Variants in ANKHD1 observed in about 807,000 individuals in gnomAD.
ANKHD1 encodes the protein ankyrin repeat and KH domain-containing protein 1.
ANKHD1 carries 31 observed loss-of-function variants against 230.5 expected under a neutral mutation model. The observed-to-expected ratio is 0.13, with a 90% CI of 0.10 to 0.18. ANKHD1 has a LOEUF of 0.18. Ranked by LOEUF, ANKHD1 falls within the 10% of genes least tolerant of loss-of-function variation. The pLI, the probability that ANKHD1 is intolerant of heterozygous loss-of-function variation, is 1.00. For synonymous variants in ANKHD1, 1,074 were observed against 1,117.6 expected (o/e 0.96, Z 0.78); for missense variants, 2,256 against 3,071.3 (o/e 0.73, Z 6.27).
chr5:140,516,938 A>C (rs1581363860), intron 24 of ANKHD1, among the ~76,000 whole-genome samples: 1 of 152,160 alleles, frequency 6.6e-6, no homozygotes, highest in Non-Finnish European at 1.5e-5. Flanking sequence ...CACACATAAC[A>C]ATATTAACTT....
At chr5:140,496,175 T>G (rs925145915) in intron 14 of ANKHD1, among the ~76,000 whole-genome samples, 1 of 152,174 alleles carries the variant, frequency 6.6e-6, no homozygotes, top group East Asian at 1.9e-4. Flanking sequence ...AAAAGTCCAA[T>G]CTAATCAGCA....
intron 29 of ANKHD1, among the ~76,000 whole-genome samples, chr5:140,533,097 C>CAAAAAAAAAAAA (rs113564152): frequency 6.3e-4 from 79 of 125,378 alleles, no homozygotes; most frequent in African/African-American, 2.3e-3. Context: ...ACTCTGTCTC[C>CAAAAAAAAAAAA]AAAAAAAAAA....
chr5:140,516,871 A>C (rs1415644626), intron 24 of ANKHD1, among the ~76,000 whole-genome samples: 2 of 152,078 alleles, frequency 1.3e-5, no homozygotes, highest in Non-Finnish European at 2.9e-5. Flanking sequence ...CTAGGAAGAA[A>C]CTGCATCAAC....
chr5:140,441,895 G>A (rs1345626143), intron 5 of ANKHD1, among the ~76,000 whole-genome samples: 1 of 151,822 alleles, frequency 6.6e-6, no homozygotes, highest in African/African-American at 2.4e-5. Context: ...AATATATATG[G>A]AGGCAAAATT....
In ANKHD1 at chr5:140,538,970, C is replaced by G. The variant is rs746682182; in HGVS notation, c.7456C>G (p.Leu2486Val). 172 of 1,610,592 alleles carry G rather than the reference C, an allele frequency of 1.1e-4. No individual in the cohort carries two copies. The highest frequency in any genetic ancestry group is 1.4e-4 in the Non-Finnish European group (170 of 1,178,408). Reference protein sequence around the residue: ...GGTIIPSHPQLADVPGGPLFN... With the variant: ...GGTIIPSHPQVADVPGGPLFN... ...CACCATAATACCCTCTCATCCTCAG[C>G]TTGCTGATGTTCCAGGAGGCCCTCT... The change falls in exon 33 of 34, where the codon CTT (leucine) becomes GTT (valine). Residue 2486 changes from leucine (L) to valine (V), a missense_variant. Transcript: ENST00000360839.
At chr5:140,500,764 T>A (rs140482069) in intron 15 of ANKHD1, among the ~76,000 whole-genome samples, 2 of 152,082 alleles carry the variant, frequency 1.3e-5, no homozygotes, top group East Asian at 3.9e-4. Context: ...AGATGTAATA[T>A]GCATGCATAT....
chr5:140,526,521 T>A, intron 26 of ANKHD1, 78 bp downstream of exon 26: 1 of 1,495,420 alleles, frequency 6.7e-7, no homozygotes, highest in Non-Finnish European at 8.9e-7. Flanking sequence ...AGTATATTAA[T>A]CCAAGTACAA....
chr5:140,440,357 A>G (rs900179172), intron 4 of ANKHD1, 91 bp downstream of exon 4: 18 of 1,443,924 alleles, frequency 1.2e-5, no homozygotes, highest in Non-Finnish European at 1.5e-5. Flanking sequence ...TTATAATTAG[A>G]GGCCAGAGTC....
At chr5:140,440,305 G>A in intron 4 of ANKHD1, 39 bp downstream of exon 4, 1 of 1,572,892 alleles carries the variant, frequency 6.4e-7, no homozygotes, top group Non-Finnish European at 8.6e-7. Flanking sequence ...AATTGTGGAA[G>A]GGTTTTGATG....
intron 9 of ANKHD1, among the ~76,000 whole-genome samples, chr5:140,460,878 T>C (rs1338671084): frequency 6.6e-6 from 1 of 152,176 alleles, no homozygotes. Context: ...CAACCATAAA[T>C]GCTGACTTTT....
intron 10 of ANKHD1, among the ~76,000 whole-genome samples, chr5:140,469,715 C>T (rs1776357437): frequency 6.6e-6 from 1 of 151,990 alleles, no homozygotes; most frequent in African/African-American, 2.4e-5. Context: ...AGTAATATAT[C>T]TTTCACCATA....
intron 7 of ANKHD1, among the ~76,000 whole-genome samples, chr5:140,456,441 C>T (rs1271449207): frequency 5.3e-5 from 8 of 152,144 alleles, no homozygotes; most frequent in South Asian, 2.1e-4. Flanking sequence ...GGAGACATCA[C>T]GCTACCTGAC....
At chr5:140,480,109 G>A (rs1196458144) in intron 10 of ANKHD1, among the ~76,000 whole-genome samples, 1 of 151,392 alleles carries the variant, frequency 6.6e-6, no homozygotes, top group East Asian at 1.9e-4. Context: ...TGTGTGTTGT[G>A]GGATATACAT....
intron 5 of ANKHD1, among the ~76,000 whole-genome samples, chr5:140,442,369 C>T (rs1773925364): frequency 6.6e-6 from 1 of 151,852 alleles, no homozygotes; most frequent in Non-Finnish European, 1.5e-5. Context: ...AGCAACAGTC[C>T]CCAACCTTTT....
intron 29 of ANKHD1, among the ~76,000 whole-genome samples, chr5:140,530,663 C>G (rs944498263): frequency 2.0e-5 from 3 of 152,230 alleles, no homozygotes; most frequent in Non-Finnish European, 4.4e-5. Flanking sequence ...TCAGTTTTGG[C>G]TTGGAGATAT....
At chr5:140,523,108 C>CTTTTTT (rs374008554) in intron 24 of ANKHD1, among the ~76,000 whole-genome samples, 2 of 93,494 alleles carry the variant, frequency 2.1e-5, no homozygotes, top group African/African-American at 8.1e-5. Context: ...TTTCTTTTTC[C>CTTTTTT]TTTTTTTTTT....
intron 2 of ANKHD1, 126 bp downstream of exon 2, chr5:140,436,383 T>G: frequency 2.6e-6 from 3 of 1,170,258 alleles, no homozygotes; most frequent in Non-Finnish European, 3.3e-6. Flanking sequence ...TTTATTTTAC[T>G]TTTTATCTCC....
chr5:140,407,528 C>T (rs1341484215), intron 1 of ANKHD1, among the ~76,000 whole-genome samples: 2 of 151,404 alleles, frequency 1.3e-5, no homozygotes, highest in Non-Finnish European at 2.9e-5. Flanking sequence ...CCTCAGCCTC[C>T]CAAAGAGCTA....
chr5:140,536,124 C>T (rs760903505), intron 30 of ANKHD1, among the ~76,000 whole-genome samples: 8 of 152,202 alleles, frequency 5.3e-5, no homozygotes, highest in African/African-American at 1.7e-4. Flanking sequence ...TAGAGTGTCT[C>T]GCTCTGTTGC....
Sources: gnomAD v4.1 joint callset for allele counts (sites outside exome capture counted in the v4.1 genomes callset) on GRCh38, gnomAD v4.1.1 for gene constraint, MANE v1.5 for transcripts, NCBI Gene and HGNC (gene_info 2026-07-23, HGNC 2026-07-21) for gene names.